Variants in PTPRT observed in about 807,000 individuals in gnomAD.
The protein encoded by PTPRT is protein tyrosine phosphatase receptor type T.
In PTPRT, 56 loss-of-function variants were observed where a neutral mutation model predicts 176.8. The observed-to-expected ratio is 0.32, with a 90% CI of 0.26 to 0.40. The LOEUF is 0.40. Among genes scored for constraint, PTPRT ranks in the 10% least tolerant of loss-of-function variants. The probability of loss-of-function intolerance (pLI) is 1.00; values close to 1 mark genes in which losing one functional copy is unlikely to be tolerated. For missense variants in PTPRT, 1,540 were observed against 1,908.2 expected, an observed-to-expected ratio of 0.81 and a Z score of 3.60; for synonymous variants, 783 against 739.0, an observed-to-expected ratio of 1.06 and a Z score of -0.96.
chr20:42,883,021 T>G (rs953466194), intron 2 of PTPRT, among the ~76,000 whole-genome samples: 1 of 152,132 alleles, frequency 6.6e-6, no homozygotes, highest in Non-Finnish European at 1.5e-5. Flanking sequence ...TGGAGCATGA[T>G]GATGATTTGG....
intron 2 of PTPRT, among the ~76,000 whole-genome samples, chr20:42,856,536 G>A (rs1436666751): frequency 6.6e-6 from 1 of 151,942 alleles, no homozygotes; most frequent in African/African-American, 2.4e-5. Context: ...GCAATTAAAG[G>A]GTGAGAAAAC....
chr20:42,791,337 G>A lies in PTPRT; in HGVS notation c.344C>T (p.Ser115Phe), dbSNP rs2077372198. 1.2e-6 allele frequency: 2 copies of A among 1,614,210 alleles called. No homozygotes were observed. Among genetic ancestry groups the A allele is most frequent in the Non-Finnish European group, 1.7e-6 (2 of 1,180,036 alleles). The change falls in exon 3 of 31, where the codon TCC (serine) becomes TTC (phenylalanine). Residue 115 changes from serine (S) to phenylalanine (F), a missense_variant. By Grantham distance (155) the Ser-to-Phe change is radical. Transcript: ENST00000373187. ...GTAGACGTTCAAGGCCCCTGGGCTG[G>A]ACCTGTCACGGCTGGAGAAGTAGTA... is the stretch of plus-strand genomic sequence containing the variant. ...FHYYFSSRDR[S>F]SPGALNVYVK...
chr20:42,055,041 C>A, the PTPRT span, among the ~76,000 whole-genome samples: 2 of 152,154 alleles, frequency 1.3e-5, no homozygotes, highest in African/African-American at 2.4e-5. Context: ...ACATATGTAA[C>A]TAACCTGCAC....
chr20:42,493,067 T>C (rs1042112397), intron 7 of PTPRT, among the ~76,000 whole-genome samples: 1 of 152,196 alleles, frequency 6.6e-6, no homozygotes, highest in African/African-American at 2.4e-5. Context: ...AAAACAACCA[T>C]AATTTGCAAA....
Position 43,161,399 on chromosome 20 carries a change from C to T in PTPRT, c.88+28247G>A, listed in dbSNP as rs145976537. ...TGACACATTCATTAAAGAAGTTATA[C>T]GGTCATTAATAAAAACACAGATGAT... On this transcript the variant is annotated intron_variant, in intron 1 of 30. Transcript: ENST00000373187. Among the ~76,000 whole-genome samples, 610 of 152,058 alleles carry T rather than the reference C, an allele frequency of 4.0e-3. 3 individuals carry two copies. Among genetic ancestry groups the T allele is most frequent in the African/African-American group, 0.014 (586 of 41,460 alleles).
At chr20:43,127,290 G>A (rs897223182) in intron 1 of PTPRT, among the ~76,000 whole-genome samples, 2 of 151,982 alleles carry the variant, frequency 1.3e-5, no homozygotes, top group African/African-American at 4.8e-5. Flanking sequence ...GGGCGTGGTG[G>A]TGGGCACCTG....
At chr20:42,988,606 AAC>A (rs960716788) in intron 1 of PTPRT, among the ~76,000 whole-genome samples, 2 of 152,194 alleles carry the variant, frequency 1.3e-5, no homozygotes, top group Non-Finnish European at 2.9e-5. Flanking sequence ...ACAGCAGGGA[AAC>A]ACACTCACAC....
chr20:42,890,226 A>G (rs1043136799), intron 1 of PTPRT, among the ~76,000 whole-genome samples: 1 of 152,190 alleles, frequency 6.6e-6, no homozygotes, highest in Non-Finnish European at 1.5e-5. Flanking sequence ...CCCACTCCCT[A>G]TTGGTCTGAC....
intron 6 of PTPRT, among the ~76,000 whole-genome samples, chr20:42,737,664 TC>T (rs1305310153): frequency 6.7e-6 from 1 of 149,210 alleles, no homozygotes; most frequent in Non-Finnish European, 1.5e-5. Flanking sequence ...AGATTCTCCC[TC>T]AGAGCTATCA....
intron 7 of PTPRT, among the ~76,000 whole-genome samples, chr20:42,599,398 T>C (rs577212022): frequency 4.7e-4 from 71 of 152,282 alleles, no homozygotes; most frequent in African/African-American, 1.6e-3. Context: ...CGGAGCTTAA[T>C]TGATGCATGT....
chr20:43,033,565 G>A (rs1401642162), intron 1 of PTPRT, among the ~76,000 whole-genome samples: 2 of 152,192 alleles, frequency 1.3e-5, no homozygotes, highest in African/African-American at 4.8e-5. Flanking sequence ...TAAAGTCCAG[G>A]TTGGGAAGGA....
intron 7 of PTPRT, among the ~76,000 whole-genome samples, chr20:42,508,450 A>C (rs2071889263): frequency 6.6e-6 from 1 of 152,158 alleles, no homozygotes; most frequent in Non-Finnish European, 1.5e-5. Flanking sequence ...AATCTGTAAA[A>C]TGGTAGAGCA....
At chr20:42,299,980 G>C (rs968882630) in intron 12 of PTPRT, among the ~76,000 whole-genome samples, 1 of 151,770 alleles carries the variant, frequency 6.6e-6, no homozygotes, top group African/African-American at 2.4e-5. Context: ...GCTAAAGGCT[G>C]GGTGTGGCGG....
intron 1 of PTPRT, among the ~76,000 whole-genome samples, chr20:43,000,676 T>C (rs1241534407): frequency 6.6e-6 from 1 of 151,484 alleles, no homozygotes; most frequent in African/African-American, 2.4e-5. Flanking sequence ...CAGAAGTACA[T>C]GACAGACTCA....
chr20:42,060,478 G>T, the PTPRT span, among the ~76,000 whole-genome samples: 2 of 152,206 alleles, frequency 1.3e-5, no homozygotes, highest in South Asian at 2.1e-4. Flanking sequence ...GAATTCCCAG[G>T]TGTTGTGGGA....
At chr20:43,080,078 C>A (rs1185943476) in intron 1 of PTPRT, among the ~76,000 whole-genome samples, 1 of 152,208 alleles carries the variant, frequency 6.6e-6, no homozygotes, top group Non-Finnish European at 1.5e-5. Context: ...CCAGGCCTAC[C>A]TCCATGGGGC....
intron 1 of PTPRT, among the ~76,000 whole-genome samples, chr20:43,019,933 A>G (rs1034044155): frequency 6.6e-6 from 1 of 151,918 alleles, no homozygotes; most frequent in Non-Finnish European, 1.5e-5. Flanking sequence ...AGATTGACAG[A>G]TTGATAGTAA....
chr20:42,533,742 G>A (rs781758917), intron 7 of PTPRT, among the ~76,000 whole-genome samples: 4 of 152,206 alleles, frequency 2.6e-5, no homozygotes, highest in African/African-American at 4.8e-5. Flanking sequence ...CTGGCTAACA[G>A]TCAATTCTAT....
At chr20:42,374,282 G>A (rs1030685759) in intron 9 of PTPRT, among the ~76,000 whole-genome samples, 2 of 152,198 alleles carry the variant, frequency 1.3e-5, no homozygotes, top group Non-Finnish European at 2.9e-5. Flanking sequence ...GGTGTGGTCT[G>A]TGGACAAGGG....
Sources: allele counts gnomAD v4.1 joint callset (sites outside exome capture counted in the v4.1 genomes callset), GRCh38; gene constraint gnomAD v4.1.1; transcripts MANE v1.5; gene names NCBI Gene and HGNC (gene_info 2026-07-23, HGNC 2026-07-21).